Variants in POLR3B observed in about 807,000 individuals in gnomAD.
The protein encoded by POLR3B is DNA-directed RNA polymerase III subunit RPC2.
Under a neutral mutation model 147.4 loss-of-function variants are expected in POLR3B, and 96 were observed. The ratio of observed to expected loss-of-function variants is 0.65; its 90% CI spans 0.55 to 0.77. POLR3B has a LOEUF of 0.77. Ranked by LOEUF, POLR3B falls within the 30% of genes least tolerant of loss-of-function variation. POLR3B has a pLI of 0.00. For missense variants in POLR3B, 1,036 were observed against 1,413.5 expected (o/e 0.73, Z 4.28); for synonymous variants, 461 against 485.9 (o/e 0.95, Z 0.67).
intron 9 of POLR3B, among the ~76,000 whole-genome samples, chr12:106,391,309 T>C (rs1258690179): frequency 4.6e-5 from 7 of 152,184 alleles, no homozygotes; most frequent in African/African-American, 1.7e-4. Flanking sequence ...CAGGCAGCTA[T>C]AGTGCCTTTT....
At chr12:106,386,428 C>CA (rs1555209931) in intron 9 of POLR3B, among the ~76,000 whole-genome samples, 1 of 147,308 alleles carries the variant, frequency 6.8e-6, no homozygotes, top group African/African-American at 2.5e-5. Flanking sequence ...ATCCAAAGGA[C>CA]TTTTTTTTTT....
chr12:106,358,078 G>C lies in POLR3B; in HGVS notation c.72+127G>C, dbSNP rs1411483654. The C allele has an allele frequency of 6.5e-6, 10 of 1,533,856 alleles. No individual in the cohort carries two copies. In the Admixed American group the frequency reaches 1.4e-4, roughly 22 times the overall value. On this transcript the variant is annotated intron_variant, in intron 1 of 27. Coordinates refer to ENST00000228347, the MANE Select transcript of POLR3B (RefSeq NM_018082.6). ...GCGCATGCGCCGGGCTTCTGCGCAT[G>C]CCCAGAGCGTCGCGCTTGCGAGTCT...
chr12:106,422,093 G>C (rs973912830), intron 12 of POLR3B, among the ~76,000 whole-genome samples: 1 of 152,166 alleles, frequency 6.6e-6, no homozygotes, highest in Non-Finnish European at 1.5e-5. Context: ...GATATGGTTT[G>C]GATCTGTGTC....
rs780997760 is a variant in POLR3B at position 106,405,997 on chromosome 12, G to A, written c.966+21G>A. The stretch of plus-strand genomic sequence containing the variant: ...TCCCAGTGAGTAACACTTCGTTATT[G>A]TGAATAAGGACTGTGGGGTCTGTGA... On this transcript the variant is annotated intron_variant, in intron 11 of 27. Transcript: ENST00000228347. 4 of 1,611,964 alleles carry A rather than the reference G, an allele frequency of 2.5e-6. No homozygotes were observed. The Admixed American group carries it at 5.0e-5, about 20-fold the overall frequency.
At chr12:106,472,713 TG>T in intron 23 of POLR3B, among the ~76,000 whole-genome samples, 1 of 105,310 alleles carries the variant, frequency 9.5e-6, no homozygotes, top group South Asian at 3.3e-4. Flanking sequence ...TGGGGTTGTT[TG>T]TTTTTTTCTT....
chr12:106,441,129 C>T (rs2037646120), intron 18 of POLR3B, among the ~76,000 whole-genome samples: 1 of 152,004 alleles, frequency 6.6e-6, no homozygotes, highest in African/African-American at 2.4e-5. Context: ...CATGATTCCA[C>T]ACAATGTGTG....
chr12:106,450,719 A>C (rs147758178), intron 19 of POLR3B, among the ~76,000 whole-genome samples: 2 of 152,304 alleles, frequency 1.3e-5, no homozygotes, highest in African/African-American at 4.8e-5. Context: ...ATGTGGAGCA[A>C]CCAGAATGCT....
At chr12:106,380,411 C>CAAAAAAAAA (rs147457953) in intron 9 of POLR3B, among the ~76,000 whole-genome samples, 1 of 98,992 alleles carries the variant, frequency 1.0e-5, no homozygotes, top group Non-Finnish European at 2.1e-5. Context: ...CCATCTCTAC[C>CAAAAAAAAA]AAAAAAAAAA....
intron 11 of POLR3B, among the ~76,000 whole-genome samples, chr12:106,408,973 A>G (rs768581124): frequency 1.3e-5 from 2 of 152,234 alleles, no homozygotes; most frequent in African/African-American, 4.8e-5. Context: ...GTGGCATTAT[A>G]CAGTTCAGTA....
At chr12:106,460,990 G>T (rs1047130427) in intron 22 of POLR3B, among the ~76,000 whole-genome samples, 12 of 151,972 alleles carry the variant, frequency 7.9e-5, no homozygotes, top group Admixed American at 7.2e-4. Flanking sequence ...CCTTCCGCTT[G>T]CTCCCTAACC....
chr12:106,479,745 T>G (rs144328259), intron 23 of POLR3B, among the ~76,000 whole-genome samples: 1 of 151,198 alleles, frequency 6.6e-6, no homozygotes, highest in East Asian at 1.9e-4. Context: ...AGTTTTTTGG[T>G]TTTTCTTTTT....
At chr12:106,400,307 A>C (rs1171357920) in intron 10 of POLR3B, among the ~76,000 whole-genome samples, 1 of 152,232 alleles carries the variant, frequency 6.6e-6, no homozygotes, top group Non-Finnish European at 1.5e-5. Flanking sequence ...ATATGCACCC[A>C]ATATAGGAGC....
chr12:106,472,336 T>G (rs1395145484), intron 23 of POLR3B, among the ~76,000 whole-genome samples: 2 of 151,898 alleles, frequency 1.3e-5, no homozygotes, highest in African/African-American at 4.8e-5. Flanking sequence ...TGTGCATGTG[T>G]CTTTATAGCA....
chr12:106,413,076 A>G (rs1228667713), intron 12 of POLR3B, among the ~76,000 whole-genome samples: 1 of 151,956 alleles, frequency 6.6e-6, no homozygotes, highest in African/African-American at 2.4e-5. Context: ...CTCCCATTCT[A>G]TAGGTTGTTT....
intron 23 of POLR3B, among the ~76,000 whole-genome samples, chr12:106,472,637 G>GT (rs910049949): frequency 1.9e-4 from 28 of 148,132 alleles, no homozygotes; most frequent in Admixed American, 3.4e-4. Flanking sequence ...TTTTTCATGT[G>GT]TTTTTTGGCT....
At chr12:106,488,717 A>G (rs896514130) in intron 23 of POLR3B, among the ~76,000 whole-genome samples, 24 of 152,230 alleles carry the variant, frequency 1.6e-4, no homozygotes, top group African/African-American at 5.3e-4. Context: ...ATTAAAATCA[A>G]AATAACACAT....
chr12:106,454,274 A>T (rs2037836207), intron 19 of POLR3B, among the ~76,000 whole-genome samples: 1 of 152,200 alleles, frequency 6.6e-6, no homozygotes, highest in African/African-American at 2.4e-5. Context: ...TATTTAGATT[A>T]AAATATACTT....
chr12:106,487,208 A>T (rs192567051), intron 23 of POLR3B, among the ~76,000 whole-genome samples: 10 of 152,304 alleles, frequency 6.6e-5, no homozygotes, highest in Admixed American at 6.5e-4. Flanking sequence ...TAAAAATTTC[A>T]AAGTGTTGAG....
intron 23 of POLR3B, among the ~76,000 whole-genome samples, chr12:106,494,700 A>T (rs1366338996): frequency 2.0e-5 from 3 of 152,176 alleles, no homozygotes; most frequent in Non-Finnish European, 4.4e-5. Context: ...AAATTCTAAC[A>T]CATTGTAGCT....
Sources: allele counts gnomAD v4.1 joint callset (sites outside exome capture counted in the v4.1 genomes callset), GRCh38; gene constraint gnomAD v4.1.1; transcripts MANE v1.5; gene names NCBI Gene and HGNC (gene_info 2026-07-23, HGNC 2026-07-21).